The following ACOXL variants were observed in gnomAD, a reference collection of about 807,000 sequenced individuals.
ACOXL encodes the protein acyl-coenzyme A oxidase-like protein.
ACOXL carries 70 observed loss-of-function variants against 71.9 expected under a neutral mutation model. The ratio of observed to expected loss-of-function variants is 0.97; its 90% CI spans 0.80 to 1.19. The LOEUF (loss-of-function observed/expected upper bound fraction) is 1.19. ACOXL is among the 50% of genes most tolerant of loss of function. ACOXL has a pLI of 0.00. For missense variants in ACOXL, 703 were observed against 736.3 expected (o/e 0.95, Z 0.52); for synonymous variants, 253 against 281.6 (o/e 0.90, Z 1.02).
intron 8 of ACOXL, among the ~76,000 whole-genome samples, chr2:110,803,637 G>A (rs1053810437): frequency 3.3e-5 from 5 of 152,150 alleles, no homozygotes; most frequent in African/African-American, 1.2e-4. Context: ...GGCACCAAAA[G>A]CACAACTAAC....
At chr2:110,931,907 C>A (rs2060490572) in intron 11 of ACOXL, among the ~76,000 whole-genome samples, 1 of 152,162 alleles carries the variant, frequency 6.6e-6, no homozygotes. Context: ...TATGACTGAG[C>A]CATTTCACTT....
chr2:110,784,649 C>A, intron 2 of ACOXL, 83 bp from the exon 3 acceptor site: 1 of 995,928 alleles, frequency 1.0e-6, no homozygotes, highest in Non-Finnish European at 1.4e-6. Context: ...ATAAAAGTAA[C>A]ATGCATTTCT....
At chr2:110,903,696 A>C (rs2059334826) in intron 10 of ACOXL, among the ~76,000 whole-genome samples, 1 of 152,258 alleles carries the variant, frequency 6.6e-6, no homozygotes, top group Non-Finnish European at 1.5e-5. Context: ...AACAATAAAA[A>C]TGTCTGGCAG....
At chr2:110,929,686 T>C (rs2060409472) in intron 11 of ACOXL, among the ~76,000 whole-genome samples, 1 of 152,124 alleles carries the variant, frequency 6.6e-6, no homozygotes, top group Non-Finnish European at 1.5e-5. Flanking sequence ...GAAAAAATGG[T>C]CTCATGGGCC....
At chr2:110,996,139 CG>C in intron 14 of ACOXL, 135 bp downstream of exon 14, 1 of 696,152 alleles carries the variant, frequency 1.4e-6, no homozygotes, top group Non-Finnish European at 2.5e-6. Flanking sequence ...AGAGTTCCTA[CG>C]GGCCATTTTG....
chr2:111,115,205 G>T (rs888579632), intron 17 of ACOXL, among the ~76,000 whole-genome samples: 2 of 152,122 alleles, frequency 1.3e-5, no homozygotes, highest in African/African-American at 4.8e-5. Flanking sequence ...AACTGGCAGG[G>T]CAGAGGACCC....
intron 9 of ACOXL, among the ~76,000 whole-genome samples, chr2:110,818,149 C>T (rs1190284023): frequency 1.3e-5 from 2 of 151,832 alleles, no homozygotes; most frequent in African/African-American, 4.8e-5. Context: ...AATCCCAGCA[C>T]TTTGGGAGGT....
At chr2:110,873,156 A>G (rs1695474560) in intron 10 of ACOXL, among the ~76,000 whole-genome samples, 1 of 152,236 alleles carries the variant, frequency 6.6e-6, no homozygotes, top group Non-Finnish European at 1.5e-5. Context: ...AGTTCTTGTC[A>G]TAAAACTGTG....
intron 9 of ACOXL, among the ~76,000 whole-genome samples, chr2:110,838,942 TC>T (rs1358301083): frequency 6.6e-6 from 1 of 152,244 alleles, no homozygotes; most frequent in East Asian, 1.9e-4. Flanking sequence ...GCCCTCCCTG[TC>T]CACTGGAGTT....
chr2:111,117,111 G>C (rs560752794), intron 17 of ACOXL, among the ~76,000 whole-genome samples: 86 of 152,342 alleles, frequency 5.6e-4, no homozygotes, highest in African/African-American at 2.0e-3. Flanking sequence ...GACCGAAGGC[G>C]CTAGTCTGGG....
At chr2:110,840,871 C>T (rs1691084734) in intron 9 of ACOXL, among the ~76,000 whole-genome samples, 1 of 152,182 alleles carries the variant, frequency 6.6e-6, no homozygotes, top group Admixed American at 6.5e-5. Context: ...TGTGATGATC[C>T]GCATAGGGAG....
At chr2:110,960,501 C>T (rs1031045998) in intron 12 of ACOXL, among the ~76,000 whole-genome samples, 5 of 152,066 alleles carry the variant, frequency 3.3e-5, no homozygotes, top group Non-Finnish European at 5.9e-5. Flanking sequence ...AGATCAGCTC[C>T]GTTGTTGGCT....
At chr2:110,841,506 CT>C (rs1351259613) in intron 10 of ACOXL, 101 bp downstream of exon 10, 2 of 915,080 alleles carry the variant, frequency 2.2e-6, no homozygotes, top group African/African-American at 3.3e-5. Flanking sequence ...TTGGTGGTTG[CT>C]TTCCTGTGAT....
chr2:110,980,842 A>G (rs1428995722), intron 12 of ACOXL, among the ~76,000 whole-genome samples: 2 of 152,152 alleles, frequency 1.3e-5, no homozygotes, highest in African/African-American at 2.4e-5. Flanking sequence ...TGTTGCTGCT[A>G]CCGTTCCTTC....
At chr2:111,031,557 C>G in intron 14 of ACOXL, 70 bp from the exon 15 acceptor site, 2 of 1,410,746 alleles carry the variant, frequency 1.4e-6, no homozygotes, top group Non-Finnish European at 2.0e-6. Flanking sequence ...TGTTTGCCGT[C>G]TGTCTTGCTA....
chr2:111,005,355 T>C (rs748011624), intron 14 of ACOXL, among the ~76,000 whole-genome samples: 1 of 152,224 alleles, frequency 6.6e-6, no homozygotes, highest in Non-Finnish European at 1.5e-5. Flanking sequence ...ACAACTGCTC[T>C]GAGTTATTTT....
chr2:110,766,030 T>C (rs1377058499), intron 1 of ACOXL, among the ~76,000 whole-genome samples: 1 of 152,086 alleles, frequency 6.6e-6, no homozygotes, highest in African/African-American at 2.4e-5. Context: ...TACAATTTTC[T>C]GTTTTTTTCC....
chr2:111,099,916 C>T (rs2150044903), intron 17 of ACOXL: 1 of 152,324 alleles, frequency 6.6e-6, no homozygotes, highest in South Asian at 2.1e-4. Flanking sequence ...GCAAAGATCT[C>T]AGCTTCTTAA....
At chr2:110,785,368 A>AG (rs1683827321) in intron 3 of ACOXL, among the ~76,000 whole-genome samples, 1 of 126,268 alleles carries the variant, frequency 7.9e-6, no homozygotes, top group African/African-American at 2.9e-5. Flanking sequence ...ACATGCACTC[A>AG]GTTGTGTGTG....
Sources: gnomAD v4.1 joint callset for allele counts (sites outside exome capture counted in the v4.1 genomes callset) on GRCh38, gnomAD v4.1.1 for gene constraint, MANE v1.5 for transcripts, NCBI Gene and HGNC (gene_info 2026-07-23, HGNC 2026-07-21) for gene names.